HIVEP1: variants seen among roughly 807,000 people sequenced by gnomAD.
HIVEP1 encodes HIVEP zinc finger 1.
In HIVEP1, 36 loss-of-function variants were observed where a neutral mutation model predicts 180.0. The observed-to-expected ratio is 0.20, with a 90% CI of 0.15 to 0.26. HIVEP1 has a LOEUF of 0.26. HIVEP1 is among the 10% of genes least tolerant of loss of function. The pLI, the probability that HIVEP1 is intolerant of heterozygous loss-of-function variation, is 1.00. For missense variants in HIVEP1, 3,143 were observed against 3,268.7 expected, an observed-to-expected ratio of 0.96 and a Z score of 0.94; for synonymous variants, 1,239 against 1,239.0, an observed-to-expected ratio of 1.00 and a Z score of 0.00.
At chr6:12,053,070 T>C (rs1245743410) in intron 2 of HIVEP1, among the ~76,000 whole-genome samples, 1 of 152,202 alleles carries the variant, frequency 6.6e-6, no homozygotes, top group Admixed American at 6.5e-5. Context: ...CAGCTATAAT[T>C]TTCTTCAAGA....
the HIVEP1 span, among the ~76,000 whole-genome samples, chr6:12,170,685 G>A: frequency 5.9e-5 from 9 of 152,158 alleles, no homozygotes; most frequent in Non-Finnish European, 1.3e-4. Flanking sequence ...ATAATATTAT[G>A]GTTGGATTTA....
chr6:12,067,292 A>G (rs1477476678), intron 2 of HIVEP1, among the ~76,000 whole-genome samples: 1 of 152,306 alleles, frequency 6.6e-6, no homozygotes, highest in Non-Finnish European at 1.5e-5. Context: ...AGTAGTTACT[A>G]TCATTTACAT....
intron 2 of HIVEP1, among the ~76,000 whole-genome samples, chr6:12,087,649 G>A (rs555231736): frequency 6.6e-6 from 1 of 152,050 alleles, no homozygotes; most frequent in Non-Finnish European, 1.5e-5. Context: ...TACTTACACT[G>A]TGTTAATACG....
chr6:12,164,064 C>T lies in HIVEP1; in HGVS notation c.7760C>T (p.Ser2587Phe). Residue 2587 changes from serine (S) to phenylalanine (F), a missense_variant, in exon 9 of 9, where the codon TCT becomes TTT. By Grantham distance (155) the Ser-to-Phe change is radical. Coordinates refer to ENST00000379388, the MANE Select transcript of HIVEP1 (RefSeq NM_002114.4). ...TGCGAGACACAACCCAAGCAGACTT[C>T]TGTAGCCAGCGCAAACCAGGTCAGC... ...KACETQPKQT[S>F]VASANQVSRT... 6.2e-7 allele frequency: 1 copy of T among 1,614,192 alleles called. No individual in the cohort carries two copies. Among genetic ancestry groups the T allele is most frequent in the Non-Finnish European group, 8.5e-7 (1 of 1,180,034 alleles).
At chr6:12,139,913 T>C (rs1758918188) in intron 7 of HIVEP1, among the ~76,000 whole-genome samples, 1 of 152,202 alleles carries the variant, frequency 6.6e-6, no homozygotes, top group African/African-American at 2.4e-5. Context: ...GGGCAGGGCA[T>C]AGCTGAGCAA....
Position 12,121,196 on chromosome 6 carries a change from A to G in HIVEP1, c.1401A>G (p.Gln467=), listed in dbSNP as rs901941886. 1.9e-5 allele frequency: 30 copies of G among 1,614,016 alleles called. No individual in the cohort carries two copies. The highest frequency in any genetic ancestry group is 2.2e-5 in the Non-Finnish European group (26 of 1,180,028). Reference sequence around the variant, plus strand: ...CTATCAAACTGGGTCTTGTCTTGCAACCAGATGCTGGTGGCTTGTTCTTGT... The same window carrying G: ...CTATCAAACTGGGTCTTGTCTTGCAGCCAGATGCTGGTGGCTTGTTCTTGT... ...AHTIKLGLVL[Q]PDAGGLFLSH... The change falls in exon 4 of 9, where the codon CAA becomes CAG. Residue 467 remains glutamine (Q), a synonymous_variant. Transcript: ENST00000379388. The surrounding 1 kb of genome is among the most constrained non-coding windows in gnomAD (Gnocchi z 5.3).
At chr6:12,015,691 A>C (rs1767694038) in intron 2 of HIVEP1, 23 bp downstream of exon 2, 2 of 1,603,664 alleles carry the variant, frequency 1.2e-6, no homozygotes, top group Admixed American at 1.7e-5. Flanking sequence ...ATTAAGTAGA[A>C]GTAAGGCTTG....
At chr6:12,015,462 CT>C (rs1767680101) in intron 1 of HIVEP1, 63 bp from the exon 2 acceptor site, 4 of 602,932 alleles carry the variant, frequency 6.6e-6, no homozygotes, top group Non-Finnish European at 8.8e-6. Flanking sequence ...TAGGCAGTAA[CT>C]TTTAAAGTAT....
intron 2 of HIVEP1, among the ~76,000 whole-genome samples, chr6:12,072,061 C>T (rs191445385): frequency 6.6e-6 from 1 of 151,098 alleles, no homozygotes; most frequent in African/African-American, 2.4e-5. Flanking sequence ...TCATAGTCTG[C>T]AGTCTTTGTC....
intron 2 of HIVEP1, among the ~76,000 whole-genome samples, chr6:12,055,129 TA>T (rs1339540550): frequency 6.6e-6 from 1 of 152,234 alleles, no homozygotes; most frequent in Non-Finnish European, 1.5e-5. Context: ...CCTAAAGTTA[TA>T]GTATGTTTTT....
intron 2 of HIVEP1, among the ~76,000 whole-genome samples, chr6:12,032,014 C>T (rs1318479649): frequency 2.0e-5 from 3 of 151,960 alleles, no homozygotes; most frequent in Non-Finnish European, 4.4e-5. Context: ...ATCAAGCTGG[C>T]AGAAAATCTA....
chr6:12,049,889 A>G (rs1770385023), intron 2 of HIVEP1, among the ~76,000 whole-genome samples: 1 of 152,080 alleles, frequency 6.6e-6, no homozygotes, highest in Admixed American at 6.5e-5. Context: ...TTAGAATTTG[A>G]TGAACTGGTT....
chr6:12,037,286 C>A (rs962330509), intron 2 of HIVEP1, among the ~76,000 whole-genome samples: 2 of 152,176 alleles, frequency 1.3e-5, no homozygotes, highest in African/African-American at 2.4e-5. Context: ...ATGCCACATT[C>A]TCATAATTTT....
chr6:12,011,383 G>C (rs893917420), upstream of HIVEP1, among the ~76,000 whole-genome samples: 7 of 148,320 alleles, frequency 4.7e-5, no homozygotes, highest in African/African-American at 1.2e-4. Flanking sequence ...GTAAAGAGAC[G>C]GTAAAGAGAA....
chr6:12,167,656 T>TATAA (rs1196803171), downstream of HIVEP1, among the ~76,000 whole-genome samples: 18 of 109,020 alleles, frequency 1.7e-4, no homozygotes, highest in South Asian at 2.4e-3. Context: ...CATATATATG[T>TATAA]TATATATACA....
chr6:12,135,728 T>C, intron 6 of HIVEP1, 63 bp from the exon 7 acceptor site: 2 of 1,010,880 alleles, frequency 2.0e-6, no homozygotes, highest in Admixed American at 3.9e-5. Context: ...AATTTGCCAG[T>C]GTTTACAAAT....
intron 3 of HIVEP1, among the ~76,000 whole-genome samples, chr6:12,108,940 G>A (rs114549462): frequency 0.014 from 2,204 of 152,342 alleles, 22 homozygotes; most frequent in Middle Eastern, 0.058. Flanking sequence ...CTGCCAGCAT[G>A]CTGTCACCTC....
At chr6:12,144,555 C>T (rs1236171827) in intron 7 of HIVEP1, among the ~76,000 whole-genome samples, 1 of 151,826 alleles carries the variant, frequency 6.6e-6, no homozygotes, top group Admixed American at 6.6e-5. Context: ...TAAAGAGCTT[C>T]TGCACGAAAC....
chr6:12,161,395 C>G, intron 7 of HIVEP1, 44 bp from the exon 8 acceptor site: 1 of 1,561,892 alleles, frequency 6.4e-7, no homozygotes, highest in Non-Finnish European at 8.7e-7. Flanking sequence ...CACTTGTGCA[C>G]TTGGAAAGCA....
Sources: gnomAD v4.1 joint callset for allele counts (sites outside exome capture counted in the v4.1 genomes callset) on GRCh38, gnomAD v4.1.1 for gene constraint, Gnocchi (gnomAD v3.1) non-coding constraint, MANE v1.5 for transcripts, NCBI Gene and HGNC (gene_info 2026-07-23, HGNC 2026-07-21) for gene names.